Variants in NCOR2 observed in about 807,000 individuals in gnomAD.
NCOR2 encodes the protein CTG repeat protein 26.
Under a neutral mutation model 262.9 loss-of-function variants are expected in NCOR2, and 81 were observed. The observed-to-expected ratio is 0.31, with a 90% CI of 0.26 to 0.37. The LOEUF (loss-of-function observed/expected upper bound fraction) is 0.37. Ranked by LOEUF, NCOR2 falls within the 10% of genes least tolerant of loss-of-function variation. The pLI, the probability that NCOR2 is intolerant of heterozygous loss-of-function variation, is 1.00. For synonymous variants in NCOR2, 1,659 were observed against 1,559.3 expected (o/e 1.06, Z -1.51); for missense variants, 3,385 against 3,621.4 (o/e 0.93, Z 1.68).
chr12:124,512,746 TGGGGCCAAGG>T (rs2049471086), intron 1 of NCOR2, among the ~76,000 whole-genome samples: 1 of 152,202 alleles, frequency 6.6e-6, no homozygotes, highest in African/African-American at 2.4e-5. Flanking sequence ...GGGGACCAAG[TGGGGCCAAGG>T]TTTGAACCTG....
chr12:124,486,372 G>A (rs1475270231), intron 2 of NCOR2, 69 bp downstream of exon 4: 4 of 1,576,192 alleles, frequency 2.5e-6, no homozygotes, highest in East Asian at 2.3e-5. Flanking sequence ...CTCTGCCACG[G>A]GCCTCTGCTT....
intron 41 of NCOR2, among the ~76,000 whole-genome samples, chr12:124,333,998 G>A (rs1458998845): frequency 1.3e-5 from 2 of 152,044 alleles, no homozygotes; most frequent in Admixed American, 6.5e-5. Flanking sequence ...GCATGTGTGT[G>A]TGTGCGCATG....
chr12:124,554,114 G>A (rs895750404), intron 1 of NCOR2, among the ~76,000 whole-genome samples: 1 of 152,240 alleles, frequency 6.6e-6, no homozygotes, highest in Non-Finnish European at 1.5e-5. Context: ...ATAATGGCGT[G>A]AGCAGCGTGA....
intron 4 of NCOR2, among the ~76,000 whole-genome samples, chr12:124,471,241 T>G (rs1436245577): frequency 3.9e-5 from 6 of 152,300 alleles, no homozygotes; most frequent in Admixed American, 6.5e-5. Flanking sequence ...AGGGCACCTC[T>G]TCCTGGAAGC....
At position 124,505,410 on chromosome 12, in the gene NCOR2, C is replaced by T. The variant is rs376270847; in HGVS notation, c.-117-10042G>A. Among the ~76,000 whole-genome samples the T allele has an allele frequency of 4.0e-3, 605 of 152,336 alleles. 8 individuals carry two copies. Among genetic ancestry groups the T allele is most frequent in the African/African-American group, 0.014 (579 of 41,576 alleles). On this transcript the variant is annotated intron_variant, in intron 1 of 46. Coordinates refer to the NCOR2 transcript ENST00000404621. ...AGGGCTCCTCCTCGGCAGTTTTAGCCGCACCTGTAGGAGCAGGAGCTATGG... is the reference window on the plus strand; with the variant it reads ...AGGGCTCCTCCTCGGCAGTTTTAGCTGCACCTGTAGGAGCAGGAGCTATGG...
At position 124,494,972 on chromosome 12, in the gene NCOR2, A is replaced by G. The variant is rs2277342; in HGVS notation, c.105+175T>C. ...AATGGGAGCAAAGAGATTTTATCAGATATTCTGGAAAAGGCTTCAGACACC... is the reference window on the plus strand; with the variant it reads ...AATGGGAGCAAAGAGATTTTATCAGGTATTCTGGAAAAGGCTTCAGACACC... On this transcript the variant is annotated intron_variant, in intron 1 of 46. Coordinates refer to ENST00000405201, the Ensembl canonical transcript of NCOR2. 0.013 allele frequency among the ~76,000 whole-genome samples: 2,020 copies of G among 152,202 alleles called. 92 individuals are homozygous for G. The East Asian group carries it at 0.13, about 10-fold the overall frequency.
At chr12:124,479,632 G>T (rs975016823) in intron 3 of NCOR2, among the ~76,000 whole-genome samples, 1 of 152,270 alleles carries the variant, frequency 6.6e-6, no homozygotes, top group Non-Finnish European at 1.5e-5. Context: ...CACTTCAGGG[G>T]AGTTGTTCAA....
chr12:124,559,738 G>C (rs2052008061), intron 1 of NCOR2, among the ~76,000 whole-genome samples: 2 of 152,254 alleles, frequency 1.3e-5, no homozygotes, highest in South Asian at 4.1e-4. Flanking sequence ...TCAGGATGAA[G>C]TAGATAAAGC....
chr12:124,487,974 G>T (rs1217653557), intron 1 of NCOR2, among the ~76,000 whole-genome samples: 1 of 152,016 alleles, frequency 6.6e-6, no homozygotes, highest in Admixed American at 6.5e-5. Flanking sequence ...TGTCTGCCTG[G>T]AACACTCAGT....
chr12:124,369,068 C>T (rs1466273637), intron 20 of NCOR2, among the ~76,000 whole-genome samples: 1 of 152,180 alleles, frequency 6.6e-6, no homozygotes, highest in Admixed American at 6.5e-5. Flanking sequence ...CACTGTGGCC[C>T]GTCATTAACT....
chr12:124,392,022 C>G (rs1233432971), intron 16 of NCOR2, among the ~76,000 whole-genome samples: 2 of 152,216 alleles, frequency 1.3e-5, no homozygotes, highest in Non-Finnish European at 2.9e-5. Context: ...CTGTGCAAAG[C>G]AGAAGTCGTG....
intron 5 of NCOR2, among the ~76,000 whole-genome samples, chr12:124,461,336 C>T (rs578009206): frequency 6.6e-6 from 1 of 152,348 alleles, no homozygotes; most frequent in African/African-American, 2.4e-5. Context: ...GGGACTCAAG[C>T]CAATGAGCGG....
intron 3 of NCOR2, among the ~76,000 whole-genome samples, chr12:124,479,259 C>A (rs775845473): frequency 1.3e-5 from 2 of 152,134 alleles, no homozygotes; most frequent in Non-Finnish European, 2.9e-5. Context: ...CACGCACACA[C>A]AAACACACGC....
chr12:124,332,602 G>T, intron 42 of NCOR2, 135 bp from the exon 45 acceptor site: 1 of 1,135,452 alleles, frequency 8.8e-7, no homozygotes, highest in Non-Finnish European at 1.3e-6. Context: ...TGCATCCCCT[G>T]CCTGGTAGAA....
At chr12:124,367,020 G>A (rs2039092327) in intron 20 of NCOR2, among the ~76,000 whole-genome samples, 1 of 152,200 alleles carries the variant, frequency 6.6e-6, no homozygotes, top group South Asian at 2.1e-4. Context: ...AGGTTGAAAT[G>A]CAAACGTTTG....
chr12:124,401,431 T>C (rs572738976), intron 14 of NCOR2, among the ~76,000 whole-genome samples: 1 of 152,360 alleles, frequency 6.6e-6, no homozygotes, highest in South Asian at 2.1e-4. Context: ...GCAAGACTAT[T>C]TGGTGAACTA....
At position 124,378,274 on chromosome 12, in the gene NCOR2, C is replaced by T; in HGVS notation, c.2130G>A (p.Val710=). 1.9e-6 allele frequency: 3 copies of T among 1,614,010 alleles called. No individual in the cohort carries two copies. Among genetic ancestry groups the T allele is most frequent in the Non-Finnish European group, 2.5e-6 (3 of 1,179,902 alleles). Residue 710 remains valine (V), a synonymous_variant, in exon 18 of 47, where the codon GTG becomes GTA. Coordinates refer to ENST00000405201, the Ensembl canonical transcript of NCOR2. This position sits in a 1 kb window ranked among gnomAD's most constrained non-coding sequence, Gnocchi z 4.2. The stretch of plus-strand genomic sequence containing the variant: ...CCACCATCTCCTCCTCATTTCCGCT[C>T]ACGCCCGACGCCTCCATCTCCTCAT...
intron 37 of NCOR2, 100 bp downstream of exon 39, chr12:124,339,906 C>A: frequency 1.2e-6 from 1 of 837,246 alleles, no homozygotes; most frequent in Non-Finnish European, 1.8e-6. Flanking sequence ...CACCCACCCA[C>A]CTCCCATATA....
At chr12:124,418,845 C>T (rs1358764292) in intron 13 of NCOR2, among the ~76,000 whole-genome samples, 2 of 152,238 alleles carry the variant, frequency 1.3e-5, no homozygotes, top group African/African-American at 4.8e-5. Context: ...ACGAAAACTT[C>T]ACTGGGATGC....
Sources: gnomAD v4.1 joint callset for allele counts (sites outside exome capture counted in the v4.1 genomes callset) on GRCh38, gnomAD v4.1.1 for gene constraint, Gnocchi (gnomAD v3.1) non-coding constraint, MANE v1.5 for transcripts, NCBI Gene and HGNC (gene_info 2026-07-23, HGNC 2026-07-21) for gene names.